The following MPDZ variants were observed in gnomAD, a reference collection of about 807,000 sequenced individuals.
MPDZ encodes multiple PDZ domain protein.
MPDZ carries 234 observed loss-of-function variants against 239.1 expected under a neutral mutation model. That is an observed-to-expected ratio of 0.98 (90% confidence interval 0.88 to 1.09). The LOEUF is 1.09. Among genes scored for constraint, MPDZ ranks in the 50% least tolerant of loss-of-function variants. The pLI, the probability that MPDZ is intolerant of heterozygous loss-of-function variation, is 0.00. For missense variants in MPDZ, 3,175 were observed against 2,510.0 expected, an observed-to-expected ratio of 1.26 and a Z score of -5.66; for synonymous variants, 1,048 against 881.3, an observed-to-expected ratio of 1.19 and a Z score of -3.35.
chr9:13,157,568 C>G (rs745690554), intron 24 of MPDZ, among the ~76,000 whole-genome samples: 1 of 151,988 alleles, frequency 6.6e-6, no homozygotes, highest in Non-Finnish European at 1.5e-5. Context: ...TGGTGCTAGA[C>G]AGATTATGAC....
chr9:13,135,402 C>A (rs942483934), intron 31 of MPDZ: 5 of 152,086 alleles, frequency 3.3e-5, no homozygotes, highest in African/African-American at 7.2e-5. Flanking sequence ...TCTGATGTAA[C>A]CATTCCCTCT....
rs1411348 is a variant in MPDZ at position 13,253,776 on chromosome 9, G to C, written c.-57-3404C>G. ...GAGAGGCAGAAAAGAGATGAGCTAT[G>C]GATATGGTAAGAAGGAGTTCAGCAC... On this transcript the variant is annotated intron_variant, in intron 1 of 46. Coordinates refer to ENST00000319217, the MANE Select transcript of MPDZ (RefSeq NM_001378778.1). 5.5e-3 allele frequency among the ~76,000 whole-genome samples: 837 copies of C among 152,274 alleles called. 6 individuals carry two copies. The highest frequency in any genetic ancestry group is 0.018 in the African/African-American group (751 of 41,556).
rs752339369 is a variant in MPDZ at position 13,138,048 on chromosome 9, C to T, written c.4109G>A (p.Arg1370Gln). The change falls in exon 29 of 47, where the codon CGA becomes CAA. Residue 1370 changes from arginine (R) to glutamine (Q), a missense_variant. By Grantham distance (43) the Arg-to-Gln change is conservative (BLOSUM62 1). Transcript: ENST00000319217. ...LGLSLAGNKD[R>Q]SRMSVFIVGI... ...CACTATGAAGACACTCATCCTGGAT[C>T]GGTCTTTGTTCCCAGCAAGACTTAG... 4 of 1,613,852 alleles carry T rather than the reference C, an allele frequency of 2.5e-6. No individual in the cohort carries two copies. The highest frequency in any genetic ancestry group is 1.7e-5 in the Admixed American group (1 of 60,018).
intron 3 of MPDZ, among the ~76,000 whole-genome samples, chr9:13,237,689 A>C (rs1473278694): frequency 6.6e-6 from 1 of 152,158 alleles, no homozygotes; most frequent in Non-Finnish European, 1.5e-5. Context: ...CAAGGAAGAC[A>C]ACAGACAGTA....
chr9:13,226,670 C>G (rs62532872), intron 3 of MPDZ, among the ~76,000 whole-genome samples: 2 of 150,778 alleles, frequency 1.3e-5, no homozygotes, highest in African/African-American at 4.9e-5. Flanking sequence ...TGTTTTAATT[C>G]ATGGCACTCA....
At chr9:13,189,244 G>A (rs370829966) in intron 16 of MPDZ, among the ~76,000 whole-genome samples, 18 of 152,168 alleles carry the variant, frequency 1.2e-4, no homozygotes, top group Non-Finnish European at 2.2e-4. Context: ...CTCTTAAATT[G>A]TACAGATAAC....
chr9:13,164,092 A>C, intron 22 of MPDZ, among the ~76,000 whole-genome samples: 1 of 152,198 alleles, frequency 6.6e-6, no homozygotes, highest in East Asian at 1.9e-4. Context: ...GTGCTATCAC[A>C]GGTCATCAGC....
chr9:13,122,235 G>A lies in MPDZ; in HGVS notation c.4954-65C>T, dbSNP rs924987644. On this transcript the variant is annotated intron_variant, in intron 36 of 46. Transcript: ENST00000319217. ...CTCCTAGGAATGGTGAGCAGAAATGGAGTCCAAACACATTATACTTTGATA... is the reference window on the plus strand; with the variant it reads ...CTCCTAGGAATGGTGAGCAGAAATGAAGTCCAAACACATTATACTTTGATA... The A allele has an allele frequency of 9.2e-6, 13 of 1,412,858 alleles. No homozygotes were observed. In the African/African-American group the frequency reaches 9.9e-5, roughly 11 times the overall value. 87.5% of individuals were successfully genotyped at this position (1,412,858 alleles called of 1,614,324 possible).
intron 6 of MPDZ, among the ~76,000 whole-genome samples, 195 bp downstream of exon 6, chr9:13,222,038 A>G (rs1221398478): frequency 1.3e-5 from 2 of 152,128 alleles, no homozygotes; most frequent in Non-Finnish European, 2.9e-5. Flanking sequence ...TACACAAAGA[A>G]AAGTAATTGT....
chr9:13,266,433 C>A, intron 1 of MPDZ, among the ~76,000 whole-genome samples: 1 of 152,208 alleles, frequency 6.6e-6, no homozygotes, highest in African/African-American at 2.4e-5. Flanking sequence ...GGCTTGTGAA[C>A]AATCACATTC....
rs760320154 is a variant in MPDZ at position 13,110,077 on chromosome 9, G to C, written c.5830-13C>G. 5 of 1,600,840 alleles carry C rather than the reference G, an allele frequency of 3.1e-6. No homozygotes were observed. The highest frequency in any genetic ancestry group is 4.3e-6 in the Non-Finnish European group (5 of 1,172,198). The stretch of plus-strand genomic sequence containing the variant: ...CTCCAGCAACCACCTGCGCACAGGA[G>C]GAGGATAAACAGAAAAAACACATGT... On this transcript the variant is annotated splice_polypyrimidine_tract_variant and intron_variant, in intron 44 of 46. Transcript: ENST00000319217.
intron 1 of MPDZ, among the ~76,000 whole-genome samples, chr9:13,254,066 C>A (rs1450936390): frequency 6.6e-6 from 1 of 152,150 alleles, no homozygotes; most frequent in Non-Finnish European, 1.5e-5. Flanking sequence ...CTCTAGAAAG[C>A]AAGATTTAAC....
At chr9:13,149,451 T>C (rs1948864285) in intron 25 of MPDZ, among the ~76,000 whole-genome samples, 1 of 152,130 alleles carries the variant, frequency 6.6e-6, no homozygotes, top group Admixed American at 6.6e-5. Context: ...TATTTGCAAG[T>C]TGTCTCTTTT....
intron 8 of MPDZ, among the ~76,000 whole-genome samples, chr9:13,218,536 T>C (rs1958653735): frequency 2.0e-5 from 3 of 151,978 alleles, no homozygotes; most frequent in South Asian, 2.1e-4. Flanking sequence ...AAGCATTCTT[T>C]ACTTCTTTCT....
At chr9:13,138,858 A>C (rs1247918220) in intron 28 of MPDZ, among the ~76,000 whole-genome samples, 1 of 152,228 alleles carries the variant, frequency 6.6e-6, no homozygotes, top group Non-Finnish European at 1.5e-5. Flanking sequence ...ACAACCATGT[A>C]AATGAGCTGT....
intron 1 of MPDZ, among the ~76,000 whole-genome samples, chr9:13,272,588 T>C (rs1308458283): frequency 6.6e-6 from 1 of 150,542 alleles, no homozygotes; most frequent in Non-Finnish European, 1.5e-5. Context: ...CCGAGCGTGG[T>C]GGCTCACTCC....
At chr9:13,183,684 T>C in intron 18 of MPDZ, 99 bp from the exon 19 acceptor site, 1 of 1,141,658 alleles carries the variant, frequency 8.8e-7, no homozygotes. Context: ...GTATCATTCT[T>C]TTATCTATTG....
intron 13 of MPDZ, among the ~76,000 whole-genome samples, chr9:13,194,336 T>C (rs1037378052): frequency 6.7e-6 from 1 of 150,202 alleles, no homozygotes; most frequent in African/African-American, 2.5e-5. Flanking sequence ...ATAAAGAAAA[T>C]GTATATACAC....
At chr9:13,268,169 T>TATATAC (rs766547201) in intron 1 of MPDZ, among the ~76,000 whole-genome samples, 17 of 150,836 alleles carry the variant, frequency 1.1e-4, no homozygotes, top group South Asian at 2.1e-4. Context: ...TATATATATA[T>TATATAC]ACACACATAG....
Sources: gnomAD v4.1 joint callset for allele counts (sites outside exome capture counted in the v4.1 genomes callset) on GRCh38, gnomAD v4.1.1 for gene constraint, MANE v1.5 for transcripts, NCBI Gene and HGNC (gene_info 2026-07-23, HGNC 2026-07-21) for gene names.